ATP11A: variants seen among roughly 807,000 people sequenced by gnomAD.
The protein encoded by ATP11A is phospholipid-transporting ATPase IH.
ATP11A carries 81 observed loss-of-function variants against 154.4 expected under a neutral mutation model. That is an observed-to-expected ratio of 0.52 (90% CI 0.44 to 0.63). The LOEUF (loss-of-function observed/expected upper bound fraction) is 0.63, where lower values mean the gene tolerates loss of function less well. ATP11A is among the 30% of genes least tolerant of loss of function. The probability of loss-of-function intolerance (pLI) is 0.00; values close to 1 mark genes in which losing one functional copy is unlikely to be tolerated. For missense variants in ATP11A, 1,316 were observed against 1,474.3 expected, an observed-to-expected ratio of 0.89 and a Z score of 1.76; for synonymous variants, 623 against 585.9, an observed-to-expected ratio of 1.06 and a Z score of -0.91.
intron 25 of ATP11A, among the ~76,000 whole-genome samples, chr13:112,870,962 G>T (rs554335720): frequency 1.3e-5 from 2 of 152,192 alleles, no homozygotes; most frequent in African/African-American, 2.4e-5. Context: ...CTGGCAGCTC[G>T]TGGGTCCCAC....
At chr13:112,783,282 G>T (rs1269693227) in intron 1 of ATP11A, among the ~76,000 whole-genome samples, 1 of 152,166 alleles carries the variant, frequency 6.6e-6, no homozygotes, top group East Asian at 1.9e-4. Context: ...TTCAGACCCT[G>T]CCTGCCTTTT....
chr13:112,703,335 A>T (rs905016903), intron 1 of ATP11A: 4 of 152,176 alleles, frequency 2.6e-5, no homozygotes, highest in African/African-American at 9.7e-5. Flanking sequence ...TCATGATCTC[A>T]TCTAATCGTA....
rs1054642572 is a variant in ATP11A at position 112,754,392 on chromosome 13, G to T, written c.40-30743G>T. ...TGGGGTGTATGAGCATGCTCCTTGC[G>T]TTCACTGTCACCCAGGCATCCCTCC... On this transcript the variant is annotated intron_variant, in intron 1 of 29. Transcript: ENST00000375645. The surrounding 1 kb of genome is among the most constrained non-coding windows in gnomAD (Gnocchi z 5.3). 6.6e-6 allele frequency: 1 copy of T among 152,316 alleles called. No homozygotes were observed. Among genetic ancestry groups the T allele is most frequent in the Admixed American group, 6.6e-5 (1 of 15,260 alleles). The allele number at this position is 152,316 out of a possible 1,614,324, so 9.4% of individuals were successfully genotyped here.
chr13:112,719,609 G>A (rs539157022), intron 1 of ATP11A, among the ~76,000 whole-genome samples: 1 of 152,068 alleles, frequency 6.6e-6, no homozygotes, highest in Admixed American at 6.6e-5. Flanking sequence ...TTTGTAAGGT[G>A]GAAGCAAGGA....
intron 1 of ATP11A, among the ~76,000 whole-genome samples, chr13:112,782,166 G>A (rs976375804): frequency 6.6e-6 from 1 of 152,222 alleles, no homozygotes; most frequent in Non-Finnish European, 1.5e-5. Flanking sequence ...TCTGCTCGCC[G>A]GTGTTGAGAC....
intron 2 of ATP11A, among the ~76,000 whole-genome samples, chr13:112,797,628 A>C (rs539405261): frequency 6.6e-6 from 1 of 152,234 alleles, no homozygotes; most frequent in Non-Finnish European, 1.5e-5. Context: ...TAAAATATTT[A>C]AAGTGTTGAA....
At chr13:112,808,096 G>A (rs1404402568) in intron 4 of ATP11A, among the ~76,000 whole-genome samples, 5 of 152,022 alleles carry the variant, frequency 3.3e-5, no homozygotes, top group Admixed American at 6.5e-5. Flanking sequence ...GCAGCGGCCG[G>A]GGAGCCCGAG....
intron 1 of ATP11A, among the ~76,000 whole-genome samples, chr13:112,755,781 C>G (rs2076810877): frequency 6.9e-6 from 1 of 145,246 alleles, no homozygotes; most frequent in Admixed American, 6.8e-5. Context: ...CATTTCCGGT[C>G]ACGGAAGCGG....
At chr13:112,862,195 G>A (rs533411243) in intron 24 of ATP11A, among the ~76,000 whole-genome samples, 7 of 152,364 alleles carry the variant, frequency 4.6e-5, no homozygotes, top group East Asian at 1.9e-4. Context: ...TGCCTATGAC[G>A]ATATTGCAGT....
At chr13:112,816,038 A>C in intron 5 of ATP11A, 45 bp from the exon 6 acceptor site, 1 of 1,611,448 alleles carries the variant, frequency 6.2e-7, no homozygotes, top group Non-Finnish European at 8.5e-7. Flanking sequence ...GCAAGCTTTC[A>C]CGGAGGGGCT....
intron 1 of ATP11A, among the ~76,000 whole-genome samples, chr13:112,722,717 A>G (rs1889340133): frequency 1.3e-5 from 2 of 152,202 alleles, no homozygotes; most frequent in African/African-American, 4.8e-5. Flanking sequence ...AGAAAGATTT[A>G]TTCTGAGACA....
At chr13:112,733,187 G>A (rs150023594) in intron 1 of ATP11A, among the ~76,000 whole-genome samples, 249 of 152,242 alleles carry the variant, frequency 1.6e-3, no homozygotes, top group African/African-American at 5.8e-3. Flanking sequence ...TTGTCCATGC[G>A]CTTCCCCACA....
rs548767277 is a variant in ATP11A, at chr13:112,749,880, G to A, written c.40-35255G>A. 7.8e-4 allele frequency among the ~76,000 whole-genome samples: 102 copies of A among 130,162 alleles called. 1 individual carries two copies. Among genetic ancestry groups the A allele is most frequent in the Non-Finnish European group, 1.4e-3 (86 of 63,074 alleles). 85.4% of individuals were successfully genotyped at this position (130,162 alleles called of 152,430 possible). Reference sequence around the variant, plus strand: ...CCTCCCATGTGGGGACACGCCTGCTGAAGGACGCGGGGTTGAATCCCCCTT... The same window carrying A: ...CCTCCCATGTGGGGACACGCCTGCTAAAGGACGCGGGGTTGAATCCCCCTT... On this transcript the variant is annotated intron_variant, in intron 1 of 29. Transcript: ENST00000375645.
At chr13:112,691,735 G>A (rs985987764) in intron 1 of ATP11A, among the ~76,000 whole-genome samples, 1 of 152,132 alleles carries the variant, frequency 6.6e-6, no homozygotes, top group Non-Finnish European at 1.5e-5. Context: ...TTAAATAGGA[G>A]ACCTTGGCCA....
Position 112,754,147 on chromosome 13 carries a change from C to T in ATP11A, c.40-30988C>T, listed in dbSNP as rs917286120. ...CCTGAGCCGCAGTTGGAGCCACGGT[C>T]CCTGCTGCTGAGATGTGAGAAAGGC... On this transcript the variant is annotated intron_variant, in intron 1 of 29. Transcript: ENST00000375645. The surrounding 1 kb of genome is among the most constrained non-coding windows in gnomAD (Gnocchi z 5.3). 6.6e-6 allele frequency among the ~76,000 whole-genome samples: 1 copy of T among 152,206 alleles called. No homozygotes were observed. Among genetic ancestry groups the T allele is most frequent in the Non-Finnish European group, 1.5e-5 (1 of 68,040 alleles).
chr13:112,768,956 G>A (rs10219959), intron 1 of ATP11A, among the ~76,000 whole-genome samples: 19,701 of 152,158 alleles, frequency 0.13, 2,352 homozygotes, highest in African/African-American at 0.31. Context: ...TTCACTTGCG[G>A]GCAGTGGAGG....
At chr13:112,832,298 A>G (rs549806928) in intron 13 of ATP11A, among the ~76,000 whole-genome samples, 25 of 152,334 alleles carry the variant, frequency 1.6e-4, no homozygotes, top group African/African-American at 5.3e-4. Context: ...CCCTGAGCAC[A>G]TCACTTCACC....
intron 22 of ATP11A, chr13:112,858,944 T>TC: frequency 4.3e-6 from 1 of 230,006 alleles, no homozygotes. Context: ...AGACTCTGCA[T>TC]CCCCCCAGGG....
At chr13:112,739,224 C>T (rs908202630) in intron 1 of ATP11A, among the ~76,000 whole-genome samples, 42 of 152,290 alleles carry the variant, frequency 2.8e-4, no homozygotes, top group African/African-American at 1.0e-3. Flanking sequence ...GAGAGTGGCT[C>T]TGGTCAGGCA....
Sources: allele counts gnomAD v4.1 joint callset (sites outside exome capture counted in the v4.1 genomes callset), GRCh38; gene constraint gnomAD v4.1.1; non-coding constraint Gnocchi (gnomAD v3.1); transcripts MANE v1.5; gene names NCBI Gene and HGNC (gene_info 2026-07-23, HGNC 2026-07-21).